The following B3GALT1 variants were observed in gnomAD, a reference collection of about 807,000 sequenced individuals.
B3GALT1 encodes UDP-Gal:betaGlcNAc beta 1,3-galactosyltransferase, polypeptide 1.
B3GALT1 carries 10 observed loss-of-function variants against 23.2 expected under a neutral mutation model. That is an observed-to-expected ratio of 0.43 (90% CI 0.27 to 0.73). The LOEUF (loss-of-function observed/expected upper bound fraction) is 0.73, where lower values mean the gene tolerates loss of function less well. Among genes scored for constraint, B3GALT1 ranks in the 30% least tolerant of loss-of-function variants. The pLI is 0.21. For synonymous variants in B3GALT1, 156 were observed against 141.5 expected (o/e 1.10, Z -0.73); for missense variants, 299 against 405.4 (o/e 0.74, Z 2.25).
intron 3 of B3GALT1, among the ~76,000 whole-genome samples, chr2:167,719,951 C>T (rs1045695051): frequency 2.0e-5 from 3 of 151,696 alleles, no homozygotes; most frequent in Non-Finnish European, 4.4e-5. Context: ...AAAAGAAAGT[C>T]CAGGAAGCCT....
chr2:167,499,625 T>A (rs1225422158), intron 2 of B3GALT1, among the ~76,000 whole-genome samples: 1 of 152,174 alleles, frequency 6.6e-6, no homozygotes, highest in South Asian at 2.1e-4. Context: ...TGTAATTGCA[T>A]AAAAAACAGA....
chr2:167,783,199 T>TA (rs891002546), intron 3 of B3GALT1, among the ~76,000 whole-genome samples: 62 of 146,386 alleles, frequency 4.2e-4, no homozygotes, highest in South Asian at 6.5e-4. Flanking sequence ...AAGAGGTATT[T>TA]AAAAAAAAAA....
At chr2:167,660,592 T>C (rs1219331495) in intron 3 of B3GALT1, among the ~76,000 whole-genome samples, 1 of 152,158 alleles carries the variant, frequency 6.6e-6, no homozygotes, top group Non-Finnish European at 1.5e-5. Flanking sequence ...TGTGAATTAG[T>C]ATCTGTGAGG....
At chr2:167,772,717 C>A (rs1688092885) in intron 3 of B3GALT1, among the ~76,000 whole-genome samples, 1 of 152,114 alleles carries the variant, frequency 6.6e-6, no homozygotes, top group African/African-American at 2.4e-5. Flanking sequence ...TTTTATGTTT[C>A]TTTATTAATC....
intron 1 of B3GALT1, among the ~76,000 whole-genome samples, chr2:167,363,979 T>G (rs1697543223): frequency 6.6e-6 from 1 of 151,714 alleles, no homozygotes; most frequent in African/African-American, 2.4e-5. Context: ...GCCAACATGG[T>G]GAAACCCCGT....
At chr2:167,782,611 G>A (rs1470770028) in intron 3 of B3GALT1, among the ~76,000 whole-genome samples, 3 of 152,192 alleles carry the variant, frequency 2.0e-5, no homozygotes, top group Non-Finnish European at 4.4e-5. Context: ...TCATCCAAGT[G>A]AATGTGGCAT....
At position 167,305,118 on chromosome 2, in the gene B3GALT1, C is replaced by G. The variant is rs75223163; in HGVS notation, c.-511+11784C>G. 3.2e-3 allele frequency among the ~76,000 whole-genome samples: 482 copies of G among 152,250 alleles called. 24 individuals carry two copies. In the East Asian group the frequency reaches 0.077, roughly 24 times the overall value. ...CACCTAGAAATGTTTTACCAGCCACCTAGGTATCCTTTAGCTCAGTCAAGT... is the reference window on the plus strand; with the variant it reads ...CACCTAGAAATGTTTTACCAGCCACGTAGGTATCCTTTAGCTCAGTCAAGT... On this transcript the variant is annotated intron_variant, in intron 1 of 4. Transcript: ENST00000392690.
intron 4 of B3GALT1, among the ~76,000 whole-genome samples, chr2:167,852,000 T>G (rs1177743188): frequency 6.6e-6 from 1 of 152,230 alleles, no homozygotes; most frequent in Non-Finnish European, 1.5e-5. Flanking sequence ...ATGTAAAGAA[T>G]TTTCAAGCAT....
At position 167,709,621 on chromosome 2, in the gene B3GALT1, G is replaced by T. The variant is rs545390878; in HGVS notation, c.-352+62655G>T. ...GGCTACAGCCTCAAATAGCACAAAAGGCATAGTGATAGTTGTACATCAGAA... is the reference window on the plus strand; with the variant it reads ...GGCTACAGCCTCAAATAGCACAAAATGCATAGTGATAGTTGTACATCAGAA... On this transcript the variant is annotated intron_variant, in intron 3 of 4. Coordinates refer to ENST00000392690, the MANE Select transcript of B3GALT1 (RefSeq NM_020981.4). 2.0e-4 allele frequency among the ~76,000 whole-genome samples: 30 copies of T among 152,242 alleles called. 1 individual carries two copies. The highest frequency in any genetic ancestry group is 7.0e-4 in the African/African-American group (29 of 41,554).
At chr2:167,584,704 A>G (rs1217927686) in intron 2 of B3GALT1, among the ~76,000 whole-genome samples, 6 of 152,128 alleles carry the variant, frequency 3.9e-5, no homozygotes, top group Admixed American at 1.3e-4. Flanking sequence ...TGGTTTGACT[A>G]ATTTGCTAGA....
chr2:167,302,330 A>G (rs908490979), intron 1 of B3GALT1, among the ~76,000 whole-genome samples: 2 of 152,174 alleles, frequency 1.3e-5, no homozygotes, highest in African/African-American at 4.8e-5. Flanking sequence ...TTTAATGATC[A>G]TTAAAAAAAT....
chr2:167,784,347 C>G (rs1314522482), intron 3 of B3GALT1, among the ~76,000 whole-genome samples: 1 of 145,830 alleles, frequency 6.9e-6, no homozygotes, highest in Non-Finnish European at 1.6e-5. Context: ...GCAGCCATGT[C>G]ATTTTTTTCA....
intron 1 of B3GALT1, among the ~76,000 whole-genome samples, chr2:167,425,308 TTG>T (rs1016178367): frequency 6.6e-6 from 1 of 152,222 alleles, no homozygotes; most frequent in African/African-American, 2.4e-5. Context: ...GGTTGTTATT[TTG>T]TGTGTGACTC....
intron 2 of B3GALT1, among the ~76,000 whole-genome samples, chr2:167,596,010 A>G (rs1283905858): frequency 3.3e-5 from 5 of 152,236 alleles, no homozygotes; most frequent in African/African-American, 1.2e-4. Flanking sequence ...AGAATTGTGC[A>G]GGGTTCCCTG....
chr2:167,634,287 G>A (rs1256167163), intron 2 of B3GALT1, among the ~76,000 whole-genome samples: 1 of 152,024 alleles, frequency 6.6e-6, no homozygotes, highest in Non-Finnish European at 1.5e-5. Context: ...ACAATTACAA[G>A]AACTAGAGAA....
At chr2:167,530,362 G>T (rs1683305359) in intron 2 of B3GALT1, among the ~76,000 whole-genome samples, 4 of 152,082 alleles carry the variant, frequency 2.6e-5, no homozygotes, top group Non-Finnish European at 4.4e-5. Flanking sequence ...TAAGTTGCAT[G>T]AAGGCATAGG....
chr2:167,400,817 G>T (rs1465303868), intron 1 of B3GALT1, among the ~76,000 whole-genome samples: 2 of 152,072 alleles, frequency 1.3e-5, no homozygotes, highest in East Asian at 3.9e-4. Context: ...AGAAAATCTG[G>T]CTTTGTGTAG....
At chr2:167,578,012 A>T (rs1015192780) in intron 2 of B3GALT1, among the ~76,000 whole-genome samples, 5 of 151,728 alleles carry the variant, frequency 3.3e-5, no homozygotes, top group African/African-American at 7.3e-5. Context: ...GCAATCAAAA[A>T]TTTTTTTTAC....
chr2:167,435,068 A>G (rs1027171892), intron 1 of B3GALT1, among the ~76,000 whole-genome samples: 8 of 151,194 alleles, frequency 5.3e-5, no homozygotes, highest in African/African-American at 7.4e-5. Context: ...ATAAAACCAT[A>G]TTATTAAACT....
Sources: allele counts gnomAD v4.1 joint callset (sites outside exome capture counted in the v4.1 genomes callset), GRCh38; gene constraint gnomAD v4.1.1; transcripts MANE v1.5; gene names NCBI Gene and HGNC (gene_info 2026-07-23, HGNC 2026-07-21).